ADAMTSL1: variants seen among roughly 807,000 people sequenced by gnomAD.
ADAMTSL1 encodes ADAMTS like 1, also known as ADAMTS-like protein 1.
ADAMTSL1 carries 126 observed loss-of-function variants against 201.8 expected under a neutral mutation model. The ratio of observed to expected loss-of-function variants is 0.62; its 90% confidence interval spans 0.54 to 0.72. ADAMTSL1 has a LOEUF of 0.72. Among genes scored for constraint, ADAMTSL1 ranks in the 30% least tolerant of loss-of-function variants. The probability of loss-of-function intolerance (pLI) is 0.00; values close to 1 mark genes in which losing one functional copy is unlikely to be tolerated. For missense variants in ADAMTSL1, 2,679 were observed against 2,277.8 expected (o/e 1.18, Z -3.59); for synonymous variants, 1,121 against 903.4 (o/e 1.24, Z -4.32).
At chr9:18,174,514 G>A (rs180914107) in intron 2 of ADAMTSL1, among the ~76,000 whole-genome samples, 21 of 152,262 alleles carry the variant, frequency 1.4e-4, no homozygotes, top group African/African-American at 4.8e-4. Flanking sequence ...GAAAGTATGA[G>A]AGGATACTTC....
At chr9:18,422,365 T>C (rs768773462) in intron 2 of ADAMTSL1, among the ~76,000 whole-genome samples, 1 of 152,218 alleles carries the variant, frequency 6.6e-6, no homozygotes, top group Non-Finnish European at 1.5e-5. Context: ...TCCCTTCTTC[T>C]AGACCATGAA....
chr9:18,608,440 C>A (rs1332180349), intron 4 of ADAMTSL1, among the ~76,000 whole-genome samples: 1 of 152,120 alleles, frequency 6.6e-6, no homozygotes, highest in Non-Finnish European at 1.5e-5. Flanking sequence ...GAATTCATTT[C>A]TATGCATGTG....
At chr9:18,499,470 A>C (rs928104707) in intron 1 of ADAMTSL1, among the ~76,000 whole-genome samples, 42 of 152,208 alleles carry the variant, frequency 2.8e-4, no homozygotes, top group African/African-American at 9.9e-4. Flanking sequence ...AGGGCAGCTA[A>C]AAATGGAATC....
At chr9:17,931,128 A>T (rs1826766059) in intron 1 of ADAMTSL1, among the ~76,000 whole-genome samples, 1 of 152,190 alleles carries the variant, frequency 6.6e-6, no homozygotes, top group Non-Finnish European at 1.5e-5. Flanking sequence ...CCCGTTCATA[A>T]TACAACAAGG....
chr9:18,376,156 C>A (rs1837287858), intron 2 of ADAMTSL1, among the ~76,000 whole-genome samples: 1 of 152,188 alleles, frequency 6.6e-6, no homozygotes, highest in African/African-American at 2.4e-5. Context: ...ATAATACATT[C>A]CTTTTGCTCT....
At chr9:18,207,807 A>G (rs1829716503) in intron 2 of ADAMTSL1, among the ~76,000 whole-genome samples, 1 of 152,186 alleles carries the variant, frequency 6.6e-6, no homozygotes, top group Non-Finnish European at 1.5e-5. Flanking sequence ...CAGAGTGTTA[A>G]AAAAGAAAGC....
At chr9:18,664,322 A>C (rs1829296060) in intron 9 of ADAMTSL1, among the ~76,000 whole-genome samples, 1 of 152,090 alleles carries the variant, frequency 6.6e-6, no homozygotes. Context: ...TAGATAGAAT[A>C]GACTCCAGAA....
At chr9:18,688,117 T>C (rs1830949649) in intron 13 of ADAMTSL1, among the ~76,000 whole-genome samples, 1 of 79,066 alleles carries the variant, frequency 1.3e-5, no homozygotes, top group African/African-American at 4.3e-5. Context: ...TATGTATGTA[T>C]GTATATATAT....
intron 3 of ADAMTSL1, among the ~76,000 whole-genome samples, chr9:18,546,203 A>G (rs1587521856): frequency 6.6e-6 from 1 of 152,198 alleles, no homozygotes; most frequent in Non-Finnish European, 1.5e-5. Flanking sequence ...ATGAGCAGTA[A>G]CTACATATGG....
intron 2 of ADAMTSL1, among the ~76,000 whole-genome samples, chr9:18,337,100 A>G (rs1295158240): frequency 6.6e-6 from 1 of 152,086 alleles, no homozygotes; most frequent in African/African-American, 2.4e-5. Flanking sequence ...GAGTCAGTGG[A>G]CTGGGAGACA....
chr9:18,643,914 A>G (rs1279712086), intron 7 of ADAMTSL1, among the ~76,000 whole-genome samples: 3 of 151,886 alleles, frequency 2.0e-5, no homozygotes, highest in African/African-American at 7.2e-5. Flanking sequence ...CATTTCTGTG[A>G]AAAATGTCAT....
chr9:17,987,075 A>C (rs1461833611), intron 1 of ADAMTSL1, among the ~76,000 whole-genome samples: 1 of 152,010 alleles, frequency 6.6e-6, no homozygotes, highest in Non-Finnish European at 1.5e-5. Context: ...TCTTTCATGG[A>C]CTTAGTGAGA....
intron 3 of ADAMTSL1, among the ~76,000 whole-genome samples, chr9:18,548,798 T>C (rs1820624719): frequency 6.6e-6 from 1 of 151,796 alleles, no homozygotes; most frequent in Non-Finnish European, 1.5e-5. Flanking sequence ...AAATAAAGCA[T>C]TAAATAGATA....
At chr9:17,990,191 G>A (rs1394562893) in intron 1 of ADAMTSL1, among the ~76,000 whole-genome samples, 1 of 151,906 alleles carries the variant, frequency 6.6e-6, no homozygotes, top group Non-Finnish European at 1.5e-5. Context: ...TTCTCACATG[G>A]CACAGAGATG....
At chr9:18,839,798 T>C (rs948908950) in intron 23 of ADAMTSL1, among the ~76,000 whole-genome samples, 2 of 151,900 alleles carry the variant, frequency 1.3e-5, no homozygotes, top group Non-Finnish European at 2.9e-5. Context: ...ATGGTGAGCA[T>C]TTTTTCATGT....
intron 4 of ADAMTSL1, among the ~76,000 whole-genome samples, chr9:18,589,376 G>A (rs1273478663): frequency 6.6e-6 from 1 of 151,946 alleles, no homozygotes; most frequent in Non-Finnish European, 1.5e-5. Flanking sequence ...TTTTCAAATT[G>A]ATCACTGTTA....
At position 18,888,043 on chromosome 9, in the gene ADAMTSL1, G is replaced by A; in HGVS notation, c.4462G>A (p.Asp1488Asn). The stretch of plus-strand genomic sequence containing the variant: ...GCAGAAGGCATCTTTAGTGATCCAA[G>A]GTAAGAAACCCTGCAGACTTTGCAT... ...LMQKASLVIQDYWWSVDRLAT... is the reference protein window; with the variant it reads ...LMQKASLVIQNYWWSVDRLAT... The change falls in exon 24 of 29, where the codon GAT becomes AAT. Residue 1488 changes from aspartate to asparagine, a missense_variant and splice_region_variant. By Grantham distance (23) the Asp-to-Asn change is conservative. Coordinates refer to ENST00000380548, the MANE Select transcript of ADAMTSL1 (RefSeq NM_001040272.6). The A allele has an allele frequency of 6.2e-7, 1 of 1,611,546 alleles. No individual in the cohort carries two copies. The highest frequency in any genetic ancestry group is 8.5e-7 in the Non-Finnish European group (1 of 1,178,666).
At chr9:18,465,486 C>T (rs1820968529) in intron 2 of ADAMTSL1, among the ~76,000 whole-genome samples, 1 of 152,170 alleles carries the variant, frequency 6.6e-6, no homozygotes, top group Non-Finnish European at 1.5e-5. Context: ...CCAGCCTTCA[C>T]ATCATCATTT....
chr9:17,991,267 G>A (rs1819139239), intron 1 of ADAMTSL1, among the ~76,000 whole-genome samples: 1 of 152,162 alleles, frequency 6.6e-6, no homozygotes, highest in East Asian at 1.9e-4. Flanking sequence ...TGCTCTGGAA[G>A]CAGTGTACGT....
Sources: allele counts gnomAD v4.1 joint callset (sites outside exome capture counted in the v4.1 genomes callset), GRCh38; gene constraint gnomAD v4.1.1; transcripts MANE v1.5; gene names NCBI Gene and HGNC (gene_info 2026-07-23, HGNC 2026-07-21).